The following KIAA1217 variants were observed in gnomAD, a reference collection of about 807,000 sequenced individuals.
KIAA1217 encodes sickle tail protein homolog.
In KIAA1217, 88 loss-of-function variants were observed where a neutral mutation model predicts 163.9. The observed-to-expected ratio is 0.54, with a 90% CI of 0.45 to 0.64. The LOEUF (loss-of-function observed/expected upper bound fraction) is 0.64, where lower values mean the gene tolerates loss of function less well. KIAA1217 is among the 30% of genes least tolerant of loss of function. The probability of loss-of-function intolerance (pLI) is 0.00; values close to 1 mark genes in which losing one functional copy is unlikely to be tolerated. For missense variants in KIAA1217, 2,372 were observed against 2,475.0 expected (o/e 0.96, Z 0.88); for synonymous variants, 903 against 923.1 (o/e 0.98, Z 0.39).
chr10:24,193,801 TACACACACACACACAC>T (rs10562687), intron 2 of KIAA1217, among the ~76,000 whole-genome samples: 320 of 142,378 alleles, frequency 2.2e-3, no homozygotes, highest in African/African-American at 7.6e-3. Flanking sequence ...CAGCGTTTTC[TACACACACACACACAC>T]ACACACACAC....
At chr10:24,029,979 T>C (rs1270688909) in intron 2 of KIAA1217, among the ~76,000 whole-genome samples, 2 of 152,134 alleles carry the variant, frequency 1.3e-5, no homozygotes, top group Non-Finnish European at 2.9e-5. Context: ...ACTCTGGCCA[T>C]CTTAAACCTA....
chr10:24,473,542 C>T lies in KIAA1217; in HGVS notation c.1161C>T (p.Tyr387=). ...EDMSGKNIAM[Y]RNEGFYADPY... ...TGAGTGGCAAAAACATTGCAATGTACAGAAATGAGGGTTTCTATGCTGATC... is the reference window on the plus strand; with the variant it reads ...TGAGTGGCAAAAACATTGCAATGTATAGAAATGAGGGTTTCTATGCTGATC... Residue 387 remains tyrosine, a synonymous_variant, in exon 6 of 21, where the codon TAC becomes TAT. Coordinates refer to ENST00000376454, the MANE Select transcript of KIAA1217 (RefSeq NM_019590.5). 1 of 1,613,932 alleles carries T rather than the reference C, an allele frequency of 6.2e-7. No individual in the cohort carries two copies. The highest frequency in any genetic ancestry group is 8.5e-7 in the Non-Finnish European group (1 of 1,179,920).
intron 2 of KIAA1217, among the ~76,000 whole-genome samples, chr10:24,188,411 A>G (rs570694815): frequency 2.6e-5 from 4 of 151,938 alleles, no homozygotes; most frequent in Non-Finnish European, 5.9e-5. Flanking sequence ...TCTCAGGGGT[A>G]GAGGATCACA....
At chr10:24,176,426 A>C (rs528501880) in intron 2 of KIAA1217, among the ~76,000 whole-genome samples, 1 of 152,280 alleles carries the variant, frequency 6.6e-6, no homozygotes, top group South Asian at 2.1e-4. Flanking sequence ...CAGAGTGCTG[A>C]TTGGTGCATT....
At chr10:24,299,189 A>G (rs1564428108) in intron 2 of KIAA1217, among the ~76,000 whole-genome samples, 1 of 152,194 alleles carries the variant, frequency 6.6e-6, no homozygotes, top group Non-Finnish European at 1.5e-5. Context: ...GTTTTCTACA[A>G]TTGCTCATGG....
chr10:23,839,071 A>G (rs1402636490), intron 1 of KIAA1217, among the ~76,000 whole-genome samples: 1 of 152,006 alleles, frequency 6.6e-6, no homozygotes, highest in African/African-American at 2.4e-5. Context: ...ATTTTTCCAC[A>G]TTTTCAATAC....
At chr10:24,356,274 T>C (rs1450455723) in intron 2 of KIAA1217, among the ~76,000 whole-genome samples, 1 of 152,172 alleles carries the variant, frequency 6.6e-6, no homozygotes, top group Non-Finnish European at 1.5e-5. Flanking sequence ...TTGAGGGTCA[T>C]GGTTTAGTTG....
chr10:24,194,294 C>T (rs1327240568), intron 2 of KIAA1217, among the ~76,000 whole-genome samples: 2 of 130,860 alleles, frequency 1.5e-5, no homozygotes, highest in Admixed American at 1.5e-4. Flanking sequence ...CTCCCCTCCC[C>T]TCCTCTCCCC....
chr10:24,246,369 C>CT lies in KIAA1217; in HGVS notation c.354+26461dup, dbSNP rs537878890. On this transcript the variant is annotated intron_variant, in intron 2 of 20. Coordinates refer to ENST00000376454, the MANE Select transcript of KIAA1217 (RefSeq NM_019590.5). ...AGGACTGCAGTGACCATCCTTGTAT[C>CT]TGTGCATGTGGGAACGAATCTGAAG... is the stretch of plus-strand genomic sequence containing the variant. Among the ~76,000 whole-genome samples the CT allele has an allele frequency of 7.5e-4, 115 of 152,330 alleles. 2 individuals are homozygous for CT. In the South Asian group the frequency reaches 0.023, roughly 31 times the overall value.
chr10:24,335,689 A>C (rs901731796), intron 2 of KIAA1217, among the ~76,000 whole-genome samples: 1 of 151,416 alleles, frequency 6.6e-6, no homozygotes, highest in African/African-American at 2.4e-5. Context: ...AGCTCACTGC[A>C]ACCTCTGACT....
chr10:24,291,815 A>G (rs1168651625), intron 2 of KIAA1217, among the ~76,000 whole-genome samples: 2 of 152,214 alleles, frequency 1.3e-5, no homozygotes, highest in Non-Finnish European at 2.9e-5. Flanking sequence ...TTTTAGATCA[A>G]TAGCTATTAT....
At chr10:24,252,221 C>T (rs1322571971) in intron 2 of KIAA1217, among the ~76,000 whole-genome samples, 1 of 152,000 alleles carries the variant, frequency 6.6e-6, no homozygotes, top group Non-Finnish European at 1.5e-5. Context: ...ACAAAAAGGC[C>T]TCAGATTATA....
intron 2 of KIAA1217, among the ~76,000 whole-genome samples, chr10:24,052,529 C>G (rs942203683): frequency 6.6e-6 from 1 of 152,062 alleles, no homozygotes; most frequent in Non-Finnish European, 1.5e-5. Flanking sequence ...TAGCCAACTC[C>G]AGTAGAATAT....
chr10:24,311,845 G>A (rs2133049687), intron 2 of KIAA1217, among the ~76,000 whole-genome samples: 1 of 152,294 alleles, frequency 6.6e-6, no homozygotes, highest in South Asian at 2.1e-4. Context: ...TTGTAGGCTT[G>A]AAAAGAGAAG....
intron 2 of KIAA1217, among the ~76,000 whole-genome samples, chr10:24,339,957 G>A (rs1385402060): frequency 6.6e-6 from 1 of 152,144 alleles, no homozygotes; most frequent in East Asian, 1.9e-4. Context: ...GTTGAGAGTG[G>A]GTTAGTAAAT....
intron 2 of KIAA1217, among the ~76,000 whole-genome samples, chr10:24,347,227 A>T (rs1225204531): frequency 1.3e-5 from 2 of 152,152 alleles, no homozygotes. Flanking sequence ...CACCATGAAA[A>T]GTGTGTTTTT....
chr10:23,964,663 C>A (rs1169496433), intron 1 of KIAA1217, among the ~76,000 whole-genome samples: 2 of 152,094 alleles, frequency 1.3e-5, no homozygotes, highest in African/African-American at 4.8e-5. Flanking sequence ...TCAATCAATT[C>A]TCCTGCCTCA....
At chr10:23,844,965 T>A (rs1484986473) in intron 1 of KIAA1217, among the ~76,000 whole-genome samples, 1 of 152,088 alleles carries the variant, frequency 6.6e-6, no homozygotes, top group Non-Finnish European at 1.5e-5. Context: ...CAACTCCCAC[T>A]TATGAGTGAG....
intron 2 of KIAA1217, among the ~76,000 whole-genome samples, chr10:24,373,283 C>T (rs2051954246): frequency 6.6e-6 from 1 of 152,138 alleles, no homozygotes; most frequent in South Asian, 2.1e-4. Flanking sequence ...CCACTGACAC[C>T]AAAACTGCCA....
Sources: allele counts gnomAD v4.1 joint callset (sites outside exome capture counted in the v4.1 genomes callset), GRCh38; gene constraint gnomAD v4.1.1; transcripts MANE v1.5; gene names NCBI Gene and HGNC (gene_info 2026-07-23, HGNC 2026-07-21).